Variants in ATF3 observed in about 807,000 individuals in gnomAD.
ATF3 encodes activating transcription factor 3, also known as cyclic AMP-dependent transcription factor ATF-3.
A neutral mutation model predicts 18.4 loss-of-function variants in ATF3; 10 were observed. That is an observed-to-expected ratio of 0.54 (90% CI 0.34 to 0.92). The LOEUF (loss-of-function observed/expected upper bound fraction) is 0.92. Ranked by LOEUF, ATF3 falls within the 40% of genes least tolerant of loss-of-function variation. ATF3 has a pLI of 0.02. For synonymous variants in ATF3, 78 were observed against 87.9 expected (o/e 0.89, Z 0.63); for missense variants, 183 against 222.3 (o/e 0.82, Z 1.12).
At chr1:212,570,563 T>A (rs1258704480) in intron 1 of ATF3, among the ~76,000 whole-genome samples, 2 of 152,220 alleles carry the variant, frequency 1.3e-5, no homozygotes, top group Non-Finnish European at 2.9e-5. Flanking sequence ...TAGACTTTTT[T>A]AAAAAATGGA....
At chr1:212,601,990 A>G (rs1244382154) in intron 1 of ATF3, among the ~76,000 whole-genome samples, 1 of 152,198 alleles carries the variant, frequency 6.6e-6, no homozygotes, top group Non-Finnish European at 1.5e-5. Flanking sequence ...CAGGCATACA[A>G]TGTATAATAA....
chr1:212,603,075 A>G (rs541029635), intron 1 of ATF3, among the ~76,000 whole-genome samples: 1 of 152,276 alleles, frequency 6.6e-6, no homozygotes, highest in Admixed American at 6.5e-5. Flanking sequence ...CCTTTTGGCT[A>G]TGGTGTCTTT....
At chr1:212,576,665 A>T (rs1664581060) in intron 1 of ATF3, among the ~76,000 whole-genome samples, 1 of 142,868 alleles carries the variant, frequency 7.0e-6, no homozygotes, top group Non-Finnish European at 1.5e-5. Flanking sequence ...TTTATTCCAG[A>T]GTTAAAGTTT....
At chr1:212,617,941 G>A (rs34439738) in intron 2 of ATF3, among the ~76,000 whole-genome samples, 186 bp from the exon 3 acceptor site, 1 of 68,794 alleles carries the variant, frequency 1.5e-5, no homozygotes, top group Non-Finnish European at 3.5e-5. Flanking sequence ...ACGTGTGTGT[G>A]TGTGCGTGTG....
Position 212,577,345 on chromosome 1 carries a change from C to A in ATF3, c.-5+11862C>A, listed in dbSNP as rs531585944. Reference sequence around the variant, plus strand: ...TGTGATTTTTAAAGTAAAATTATAACATGGAATGACTAAATCTAGCTAATT... The same window carrying A: ...TGTGATTTTTAAAGTAAAATTATAAAATGGAATGACTAAATCTAGCTAATT... On this transcript the variant is annotated intron_variant, in intron 1 of 3. Transcript: ENST00000366981. 2.0e-5 allele frequency among the ~76,000 whole-genome samples: 3 copies of A among 152,114 alleles called. No individual in the cohort carries two copies. The South Asian group carries it at 6.2e-4, about 32-fold the overall frequency.
At chr1:212,584,532 C>T (rs1228363740) in intron 1 of ATF3, among the ~76,000 whole-genome samples, 11 of 152,092 alleles carry the variant, frequency 7.2e-5, no homozygotes, top group African/African-American at 2.4e-4. Context: ...GAGGAGTTAC[C>T]TTTTACTCAG....
chr1:212,604,641 A>G (rs146943310), upstream of ATF3, among the ~76,000 whole-genome samples: 157 of 152,248 alleles, frequency 1.0e-3, no homozygotes, highest in African/African-American at 3.5e-3. Flanking sequence ...TCAGTGCCTT[A>G]CCTATGATGT....
chr1:212,566,401 T>G (rs562434432), intron 1 of ATF3, among the ~76,000 whole-genome samples: 81 of 152,272 alleles, frequency 5.3e-4, no homozygotes, highest in African/African-American at 1.8e-3. Context: ...TGAAACTCAA[T>G]TTTCCCATTT....
upstream of ATF3, chr1:212,608,759 C>T (rs954416456): frequency 3.9e-5 from 6 of 152,296 alleles, no homozygotes; most frequent in Admixed American, 2.6e-4. Flanking sequence ...GCTCTCCAAG[C>T]CACAGTCGCA....
Position 212,618,201 on chromosome 1 carries a change from C to G in ATF3, c.315C>G (p.Asn105Lys). The G allele has an allele frequency of 6.2e-7, 1 of 1,614,090 alleles. No homozygotes were observed. ...AGATTGCAGCTGCAAAGTGCCGAAA[C>G]AAGAAGAAGGAGAAGACGGAGTGCC... Reference protein sequence around the residue: ...RNKIAAAKCRNKKKEKTECLQ... With the variant: ...RNKIAAAKCRKKKKEKTECLQ... Residue 105 changes from asparagine to lysine, a missense_variant, in exon 3 of 4, where the codon AAC (asparagine) becomes AAG (lysine). Physicochemically the swap from Asn to Lys is moderately conservative, Grantham distance 94. Transcript: ENST00000341491. The surrounding 1 kb of genome is among the most constrained non-coding windows in gnomAD (Gnocchi z 4.4).
intron 1 of ATF3, among the ~76,000 whole-genome samples, chr1:212,599,595 T>TCC (rs1654416477): frequency 6.6e-6 from 1 of 151,980 alleles, no homozygotes. Context: ...TTCCATTACT[T>TCC]TGATATCCCC....
chr1:212,611,272 G>C (rs1364810591), intron 1 of ATF3, among the ~76,000 whole-genome samples: 1 of 152,266 alleles, frequency 6.6e-6, no homozygotes, highest in African/African-American at 2.4e-5. Context: ...GGCTCTGACT[G>C]ACCTGAATGT....
chr1:212,582,481 A>G (rs928324406), intron 1 of ATF3, among the ~76,000 whole-genome samples: 5 of 152,228 alleles, frequency 3.3e-5, no homozygotes, highest in African/African-American at 1.2e-4. Flanking sequence ...CTCCCCCACA[A>G]AGCTCTATTT....
intron 1 of ATF3, among the ~76,000 whole-genome samples, chr1:212,573,671 A>AT (rs1664522636): frequency 6.6e-6 from 1 of 151,678 alleles, no homozygotes; most frequent in Admixed American, 6.6e-5. Context: ...GAATTGAAAG[A>AT]TTTTTTTCCT....
At chr1:212,572,192 C>T (rs1002329653) in intron 1 of ATF3, among the ~76,000 whole-genome samples, 1 of 152,094 alleles carries the variant, frequency 6.6e-6, no homozygotes, top group Non-Finnish European at 1.5e-5. Flanking sequence ...GCTGGCAAGG[C>T]CCCAGTCTCA....
At chr1:212,580,084 G>A (rs1318273043) in intron 1 of ATF3, among the ~76,000 whole-genome samples, 1 of 151,684 alleles carries the variant, frequency 6.6e-6, no homozygotes, top group Non-Finnish European at 1.5e-5. Context: ...CTTGAACCTG[G>A]GAGGCGGAGC....
chr1:212,597,419 T>TCATCTATCTATCTATC (rs1553302899), intron 1 of ATF3, among the ~76,000 whole-genome samples: 1 of 150,730 alleles, frequency 6.6e-6, no homozygotes, highest in African/African-American at 2.5e-5. Flanking sequence ...TTACATCTAT[T>TCATCTATCTATCTATC]TATCTATCTA....
chr1:212,603,957 A>G (rs1230494038), upstream of ATF3, among the ~76,000 whole-genome samples: 1 of 152,228 alleles, frequency 6.6e-6, no homozygotes, highest in East Asian at 1.9e-4. Context: ...TGTACATGAG[A>G]AAAAAGATTA....
At chr1:212,572,317 G>C (rs1212618306) in intron 1 of ATF3, among the ~76,000 whole-genome samples, 1 of 151,976 alleles carries the variant, frequency 6.6e-6, no homozygotes, top group African/African-American at 2.4e-5. Flanking sequence ...GGGGGTTCGA[G>C]ACCAGCCTGA....
Sources: allele counts gnomAD v4.1 joint callset (sites outside exome capture counted in the v4.1 genomes callset), GRCh38; gene constraint gnomAD v4.1.1; non-coding constraint Gnocchi (gnomAD v3.1); transcripts MANE v1.5; gene names NCBI Gene and HGNC (gene_info 2026-07-23, HGNC 2026-07-21).